The following CNTNAP5 variants were observed in gnomAD, a reference collection of about 807,000 sequenced individuals.
The protein encoded by CNTNAP5 is contactin-associated protein-like 5.
CNTNAP5 carries 72 observed loss-of-function variants against 150.2 expected under a neutral mutation model. That is an observed-to-expected ratio of 0.48 (90% CI 0.40 to 0.58). CNTNAP5 has a LOEUF of 0.58. Ranked by LOEUF, CNTNAP5 falls within the 20% of genes least tolerant of loss-of-function variation. The pLI is 0.00. For missense variants in CNTNAP5, 1,636 were observed against 1,626.2 expected (o/e 1.01, Z -0.10); for synonymous variants, 672 against 619.8 (o/e 1.08, Z -1.25).
chr2:124,729,320 AT>A (rs2105125215), intron 13 of CNTNAP5, among the ~76,000 whole-genome samples: 2 of 152,140 alleles, frequency 1.3e-5, no homozygotes, highest in East Asian at 3.9e-4. Context: ...ATAATGTCTA[AT>A]TTTTGCAAAA....
In CNTNAP5 at chr2:124,747,681, G is replaced by A. The variant is rs370396810; in HGVS notation, c.2234+296G>A. ...TGTCACCAGGCTGGAGTGCAGTGTC[G>A]CGATCTTGGCTCACTGCAACCTCCG... On this transcript the variant is annotated intron_variant, in intron 14 of 23. Coordinates refer to ENST00000682447, the MANE Select transcript of CNTNAP5 (RefSeq NM_001367498.1). 3.5e-4 allele frequency among the ~76,000 whole-genome samples: 48 copies of A among 135,652 alleles called. No homozygotes were observed. In the East Asian group the frequency reaches 7.3e-3, roughly 21 times the overall value. 89.0% of individuals were successfully genotyped at this position (135,652 alleles called of 152,430 possible). A position where few individuals can be genotyped will look rare whatever the true frequency, so the allele number is the denominator to read the frequency against.
intron 3 of CNTNAP5, among the ~76,000 whole-genome samples, chr2:124,383,117 A>G (rs1011927492): frequency 3.3e-5 from 5 of 152,262 alleles, no homozygotes; most frequent in East Asian, 1.9e-4. Flanking sequence ...AAGAATCACA[A>G]TGACCCGTAC....
chr2:124,127,766 A>T (rs1683745621), intron 1 of CNTNAP5, among the ~76,000 whole-genome samples: 1 of 152,116 alleles, frequency 6.6e-6, no homozygotes. Context: ...CACACCTACA[A>T]CCATTTGACC....
intron 11 of CNTNAP5, among the ~76,000 whole-genome samples, chr2:124,566,487 C>G (rs1558957002): frequency 6.6e-6 from 1 of 152,154 alleles, no homozygotes; most frequent in South Asian, 2.1e-4. Flanking sequence ...TAAAGGAACA[C>G]TGTCAAGCCT....
chr2:124,841,932 T>G (rs868379748), intron 19 of CNTNAP5, among the ~76,000 whole-genome samples: 1 of 151,890 alleles, frequency 6.6e-6, no homozygotes. Flanking sequence ...CTCTTTATAC[T>G]GTCAGTATCT....
intron 14 of CNTNAP5, among the ~76,000 whole-genome samples, chr2:124,751,001 A>T (rs1680714905): frequency 1.3e-5 from 2 of 151,570 alleles, no homozygotes; most frequent in African/African-American, 4.8e-5. Flanking sequence ...AAAAAAAAAA[A>T]AAAAGTAGTG....
intron 3 of CNTNAP5, among the ~76,000 whole-genome samples, chr2:124,337,467 G>A (rs1689502627): frequency 6.6e-6 from 1 of 152,140 alleles, no homozygotes; most frequent in Non-Finnish European, 1.5e-5. Flanking sequence ...GTCCAGAATG[G>A]TATTCCCTAG....
At chr2:124,458,690 A>T (rs1349351727) in intron 6 of CNTNAP5, among the ~76,000 whole-genome samples, 1 of 152,140 alleles carries the variant, frequency 6.6e-6, no homozygotes, top group Non-Finnish European at 1.5e-5. Context: ...TAAATAAATA[A>T]ATAATGCTAA....
At position 124,548,392 on chromosome 2, in the gene CNTNAP5, G is replaced by T. The variant is rs545280036; in HGVS notation, c.1650-14825G>T. Among the ~76,000 whole-genome samples, 12 of 152,314 alleles carry T rather than the reference G, an allele frequency of 7.9e-5. No individual in the cohort carries two copies. The South Asian group carries it at 2.5e-3, about 32-fold the overall frequency. Reference sequence around the variant, plus strand: ...TGCCTTAACTGCTCAAGCCCCAGATGCAGATCAGAACTGAAGTGGAGAGGC... The same window carrying T: ...TGCCTTAACTGCTCAAGCCCCAGATTCAGATCAGAACTGAAGTGGAGAGGC... On this transcript the variant is annotated intron_variant, in intron 10 of 23. Coordinates refer to ENST00000682447, the MANE Select transcript of CNTNAP5 (RefSeq NM_001367498.1).
intron 7 of CNTNAP5, among the ~76,000 whole-genome samples, chr2:124,490,451 A>G (rs765854697): frequency 6.6e-6 from 1 of 152,070 alleles, no homozygotes; most frequent in Non-Finnish European, 1.5e-5. Flanking sequence ...AAAGAGAAAG[A>G]AAGAGCAGGA....
chr2:124,604,924 A>T (rs1697067526), intron 11 of CNTNAP5, among the ~76,000 whole-genome samples: 1 of 152,218 alleles, frequency 6.6e-6, no homozygotes, highest in Admixed American at 6.5e-5. Flanking sequence ...TCAAACAATG[A>T]TAAAATCCAT....
intron 3 of CNTNAP5, among the ~76,000 whole-genome samples, chr2:124,405,944 G>T (rs533790250): frequency 1.2e-4 from 19 of 152,242 alleles, no homozygotes; most frequent in East Asian, 7.7e-4. Context: ...TTAATTTTAT[G>T]TTGTTCTTCT....
chr2:124,517,641 TTGA>T (rs1427505168), intron 8 of CNTNAP5, among the ~76,000 whole-genome samples: 1 of 149,716 alleles, frequency 6.7e-6, no homozygotes, highest in Non-Finnish European at 1.5e-5. Context: ...GGTTGTGGTG[TTGA>T]TGATGGAGGG....
chr2:124,523,431 A>G (rs1694894875), intron 8 of CNTNAP5, among the ~76,000 whole-genome samples: 1 of 152,176 alleles, frequency 6.6e-6, no homozygotes, highest in Non-Finnish European at 1.5e-5. Flanking sequence ...CAAGCACTTT[A>G]CACCACCAGG....
chr2:124,094,665 G>A (rs1682893459), intron 1 of CNTNAP5, among the ~76,000 whole-genome samples: 1 of 152,202 alleles, frequency 6.6e-6, no homozygotes, highest in African/African-American at 2.4e-5. Context: ...GGCAAAATAT[G>A]TTGAGGAAGG....
intron 3 of CNTNAP5, among the ~76,000 whole-genome samples, chr2:124,377,575 T>G (rs1321499078): frequency 6.6e-6 from 1 of 151,548 alleles, no homozygotes; most frequent in Non-Finnish European, 1.5e-5. Flanking sequence ...CTCAGGAGGC[T>G]GAGACAGGAG....
chr2:124,618,684 G>A (rs181402443), intron 12 of CNTNAP5, among the ~76,000 whole-genome samples: 11 of 152,244 alleles, frequency 7.2e-5, no homozygotes, highest in South Asian at 4.2e-4. Flanking sequence ...GCACAGAGAA[G>A]GCTGGAGATG....
At chr2:124,383,557 G>A (rs1181409355) in intron 3 of CNTNAP5, among the ~76,000 whole-genome samples, 1 of 152,130 alleles carries the variant, frequency 6.6e-6, no homozygotes, top group Non-Finnish European at 1.5e-5. Flanking sequence ...TGGTACTGTA[G>A]CTTGGAAAGA....
chr2:124,842,734 G>A (rs143820841), intron 19 of CNTNAP5, among the ~76,000 whole-genome samples: 5 of 152,158 alleles, frequency 3.3e-5, no homozygotes, highest in East Asian at 3.9e-4. Context: ...TTGGGGATTT[G>A]GTACCTGTTT....
Sources: allele counts gnomAD v4.1 joint callset (sites outside exome capture counted in the v4.1 genomes callset), GRCh38; gene constraint gnomAD v4.1.1; transcripts MANE v1.5; gene names NCBI Gene and HGNC (gene_info 2026-07-23, HGNC 2026-07-21).